ASTN2: variants seen among roughly 807,000 people sequenced by gnomAD.
The protein encoded by ASTN2 is astrotactin-2.
Under a neutral mutation model 139.8 loss-of-function variants are expected in ASTN2, and 54 were observed. The observed-to-expected ratio is 0.39, with a 90% CI of 0.31 to 0.48. The LOEUF (loss-of-function observed/expected upper bound fraction) is 0.48. ASTN2 is among the 20% of genes least tolerant of loss of function. The pLI is 0.95. For missense variants in ASTN2, 1,565 were observed against 1,725.1 expected, an observed-to-expected ratio of 0.91 and a Z score of 1.64; for synonymous variants, 756 against 719.5, an observed-to-expected ratio of 1.05 and a Z score of -0.81.
At chr9:117,410,448 T>C (rs1218097679) in intron 1 of ASTN2, among the ~76,000 whole-genome samples, 1 of 152,182 alleles carries the variant, frequency 6.6e-6, no homozygotes, top group African/African-American at 2.4e-5. Context: ...AGAGGAGCTA[T>C]CAGAGTCATG....
intron 13 of ASTN2, among the ~76,000 whole-genome samples, chr9:116,784,055 A>G (rs915987457): frequency 1.3e-5 from 2 of 152,346 alleles, no homozygotes; most frequent in Non-Finnish European, 2.9e-5. Flanking sequence ...AGGACCATAT[A>G]GTATGAGACA....
intron 3 of ASTN2, among the ~76,000 whole-genome samples, chr9:117,208,271 C>T (rs748527908): frequency 3.3e-5 from 5 of 151,776 alleles, no homozygotes; most frequent in Non-Finnish European, 7.4e-5. Flanking sequence ...GAAAATGATT[C>T]ATGATTTACA....
chr9:117,234,931 A>C (rs1833001104), intron 2 of ASTN2, among the ~76,000 whole-genome samples: 1 of 152,158 alleles, frequency 6.6e-6, no homozygotes, highest in Non-Finnish European at 1.5e-5. Flanking sequence ...CTGCTGTTTT[A>C]GTGTATTTAA....
intron 10 of ASTN2, among the ~76,000 whole-genome samples, chr9:116,909,908 G>A (rs982367554): frequency 4.6e-5 from 7 of 152,218 alleles, no homozygotes; most frequent in African/African-American, 1.7e-4. Context: ...TCAACGACGA[G>A]ATTTTATAAT....
intron 12 of ASTN2, among the ~76,000 whole-genome samples, chr9:116,813,463 C>G (rs911070154): frequency 6.6e-6 from 1 of 152,152 alleles, no homozygotes; most frequent in African/African-American, 2.4e-5. Context: ...TTTGGAAAAG[C>G]CAGAACCTTG....
chr9:117,176,359 A>G (rs569781850), intron 3 of ASTN2, among the ~76,000 whole-genome samples: 1 of 152,306 alleles, frequency 6.6e-6, no homozygotes, highest in African/African-American at 2.4e-5. Flanking sequence ...AGAAATATCA[A>G]CCTTTGTGTA....
At chr9:116,751,066 CACTCA>C (rs2132153654) in intron 13 of ASTN2, among the ~76,000 whole-genome samples, 1 of 152,104 alleles carries the variant, frequency 6.6e-6, no homozygotes, top group Admixed American at 6.5e-5. Context: ...TACCCTACTC[CACTCA>C]TAGAGAGAGG....
At chr9:117,389,980 G>A (rs1414568475) in intron 1 of ASTN2, among the ~76,000 whole-genome samples, 2 of 152,074 alleles carry the variant, frequency 1.3e-5, no homozygotes, top group Non-Finnish European at 2.9e-5. Context: ...CAAAAGAAAT[G>A]CACCATGAGT....
intron 1 of ASTN2, among the ~76,000 whole-genome samples, chr9:117,407,802 A>G (rs1831038520): frequency 6.6e-6 from 1 of 152,208 alleles, no homozygotes; most frequent in Admixed American, 6.5e-5. Context: ...TGTCTGCTCC[A>G]TTGCAAGGAA....
chr9:116,545,905 G>A (rs7029693), intron 19 of ASTN2: 5 of 151,914 alleles, frequency 3.3e-5, no homozygotes, highest in Non-Finnish European at 5.9e-5. Context: ...CTAACAATGT[G>A]AGAACTGATG....
At chr9:117,031,393 G>T (rs1038007099) in intron 6 of ASTN2, among the ~76,000 whole-genome samples, 1 of 152,028 alleles carries the variant, frequency 6.6e-6, no homozygotes, top group Non-Finnish European at 1.5e-5. Flanking sequence ...TGTGGTCCTT[G>T]CCCTTGAAAA....
intron 10 of ASTN2, among the ~76,000 whole-genome samples, chr9:116,872,792 G>A (rs1319864476): frequency 6.6e-6 from 1 of 152,108 alleles, no homozygotes; most frequent in African/African-American, 2.4e-5. Context: ...ATATGCTAAG[G>A]CCTAGAGGTA....
At chr9:117,214,249 G>T (rs377553912) in intron 3 of ASTN2, 109 bp downstream of exon 3, 7 of 1,347,262 alleles carry the variant, frequency 5.2e-6, no homozygotes, top group East Asian at 2.3e-5. Context: ...ATCCAAAGTG[G>T]CTTATCCCAG....
At chr9:117,198,967 T>G (rs1001682083) in intron 3 of ASTN2, among the ~76,000 whole-genome samples, 1 of 152,124 alleles carries the variant, frequency 6.6e-6, no homozygotes, top group South Asian at 2.1e-4. Context: ...CCTTTGCCCA[T>G]TTTTTGACAG....
chr9:116,680,212 A>C (rs1368431718), intron 16 of ASTN2, among the ~76,000 whole-genome samples: 1 of 152,224 alleles, frequency 6.6e-6, no homozygotes, highest in Non-Finnish European at 1.5e-5. Context: ...ATCCCACGGA[A>C]ATACAAACTA....
chr9:116,697,158 T>C lies in ASTN2; in HGVS notation c.2806+28613A>G, dbSNP rs1588213895. Among the ~76,000 whole-genome samples the C allele has an allele frequency of 2.0e-5, 3 of 152,306 alleles. No homozygotes were observed. In the East Asian group the frequency reaches 5.8e-4, roughly 29 times the overall value. On this transcript the variant is annotated intron_variant, in intron 16 of 22. Transcript: ENST00000313400. ...TATGTGGACTTGCATGTTATACTTA[T>C]TCCTTTTACTGTGCATAATTCTCCT...
intron 3 of ASTN2, among the ~76,000 whole-genome samples, chr9:117,159,899 A>T (rs1588027844): frequency 6.6e-6 from 1 of 152,144 alleles, no homozygotes; most frequent in East Asian, 1.9e-4. Context: ...TGGAGGTCAG[A>T]TTAGTCTGGC....
At chr9:116,815,825 A>AAAAAAAAAAAAAAAAAACAAAAAAAC (rs1264175310) in intron 12 of ASTN2, among the ~76,000 whole-genome samples, 1 of 147,590 alleles carries the variant, frequency 6.8e-6, no homozygotes, top group Non-Finnish European at 1.5e-5. Context: ...AAAAAAAAAA[A>AAAAAAAAAAAAAAAAAACAAAAAAAC]AAAGTTGATG....
intron 2 of ASTN2, among the ~76,000 whole-genome samples, chr9:117,234,058 C>A (rs1262776247): frequency 6.6e-6 from 1 of 152,142 alleles, no homozygotes; most frequent in African/African-American, 2.4e-5. Context: ...CTCTCAGCAA[C>A]AGGAGGGTGA....
Sources: gnomAD v4.1 joint callset for allele counts (sites outside exome capture counted in the v4.1 genomes callset) on GRCh38, gnomAD v4.1.1 for gene constraint, MANE v1.5 for transcripts, NCBI Gene and HGNC (gene_info 2026-07-23, HGNC 2026-07-21) for gene names.